Variants in TMEM135 observed in about 807,000 individuals in gnomAD.
The protein encoded by TMEM135 is peroxisomal membrane protein 52.
In TMEM135, 30 loss-of-function variants were observed where a neutral mutation model predicts 60.3. The observed-to-expected ratio is 0.50, with a 90% confidence interval of 0.37 to 0.68. The LOEUF (loss-of-function observed/expected upper bound fraction) is 0.68, where lower values mean the gene tolerates loss of function less well. Ranked by LOEUF, TMEM135 falls within the 30% of genes least tolerant of loss-of-function variation. TMEM135 has a pLI of 0.00. For synonymous variants in TMEM135, 190 were observed against 186.7 expected (o/e 1.02, Z -0.14); for missense variants, 468 against 548.8 (o/e 0.85, Z 1.47).
At chr11:87,286,501 A>G (rs919522099) in intron 6 of TMEM135, among the ~76,000 whole-genome samples, 3 of 152,216 alleles carry the variant, frequency 2.0e-5, no homozygotes, top group African/African-American at 7.2e-5. Flanking sequence ...GCTGCCTGCC[A>G]GTCCCGTGCT....
Position 87,223,161 on chromosome 11 carries a change from CT to C in TMEM135, c.463-13458del, listed in dbSNP as rs34711550. Among the ~76,000 whole-genome samples, 494 of 133,740 alleles carry C rather than the reference CT, an allele frequency of 3.7e-3. 3 individuals are homozygous for C. The highest frequency in any genetic ancestry group is 0.01 in the African/African-American group (379 of 37,224). The allele number at this position is 133,740 out of a possible 152,430, so 87.7% of individuals were successfully genotyped here. A position where few individuals can be genotyped will look rare whatever the true frequency, so the allele number is the denominator to read the frequency against. ...CTGCAGTAAATGGAGTTGAAAAGCA[CT>C]TTTTTTTTTTTTTTTTTTCTGAGAT... On this transcript the variant is annotated intron_variant, in intron 5 of 14. Coordinates refer to ENST00000305494, the MANE Select transcript of TMEM135 (RefSeq NM_022918.4).
intron 6 of TMEM135, among the ~76,000 whole-genome samples, chr11:87,292,401 G>C (rs1184709954): frequency 6.6e-6 from 1 of 152,156 alleles, no homozygotes; most frequent in Non-Finnish European, 1.5e-5. Flanking sequence ...CTTATACATA[G>C]TGGCCATTTA....
At chr11:87,190,116 A>G (rs1441721047) in intron 5 of TMEM135, among the ~76,000 whole-genome samples, 1 of 152,184 alleles carries the variant, frequency 6.6e-6, no homozygotes, top group African/African-American at 2.4e-5. Context: ...CATATACTTT[A>G]TTTAATAATC....
Position 87,313,465 on chromosome 11 carries a change from A to G in TMEM135, c.977A>G (p.Asp326Gly), listed in dbSNP as rs769521186. 1.9e-6 allele frequency: 3 copies of G among 1,611,066 alleles called. No homozygotes were observed. Among genetic ancestry groups the G allele is most frequent in the Admixed American group, 3.3e-5 (2 of 59,878 alleles). Residue 326 changes from aspartate to glycine, a missense_variant, in exon 11 of 15, where the codon GAT becomes GGT. By Grantham distance (94) the Asp-to-Gly change is moderately conservative (BLOSUM62 -1). Transcript: ENST00000305494. ...CTGCGCTGGATCAGAAACTTAGATGATGAACTACATGCTATTATAGCTGGT... is the reference window on the plus strand; with the variant it reads ...CTGCGCTGGATCAGAAACTTAGATGGTGAACTACATGCTATTATAGCTGGT... ...CFLRWIRNLD[D>G]ELHAIIAGFL...
intron 4 of TMEM135, among the ~76,000 whole-genome samples, chr11:87,132,427 A>T (rs754663504): frequency 3.9e-5 from 6 of 152,158 alleles, no homozygotes; most frequent in African/African-American, 7.2e-5. Flanking sequence ...ATTAATGGAA[A>T]GTCCTTATGA....
At chr11:87,056,075 A>G (rs1159039358) in intron 1 of TMEM135, among the ~76,000 whole-genome samples, 2 of 152,316 alleles carry the variant, frequency 1.3e-5, no homozygotes, top group Non-Finnish European at 2.9e-5. Flanking sequence ...CTCTGCTACA[A>G]GGGTTTGTGT....
At chr11:87,320,965 C>G (rs576076698) in intron 14 of TMEM135, among the ~76,000 whole-genome samples, 1 of 152,124 alleles carries the variant, frequency 6.6e-6, no homozygotes, top group African/African-American at 2.4e-5. Flanking sequence ...GGTTTCAGAT[C>G]TGGGGATTAT....
chr11:87,053,567 G>A (rs1949862658), intron 1 of TMEM135, among the ~76,000 whole-genome samples: 1 of 150,292 alleles, frequency 6.7e-6, no homozygotes, highest in South Asian at 2.1e-4. Context: ...TTTGAAGAAA[G>A]TCTTTTTAAA....
At chr11:87,124,546 A>G (rs1291534530) in intron 4 of TMEM135, among the ~76,000 whole-genome samples, 1 of 152,118 alleles carries the variant, frequency 6.6e-6, no homozygotes, top group Admixed American at 6.6e-5. Flanking sequence ...TTTTTTTTCA[A>G]TGACATTTTT....
At chr11:87,258,955 G>C (rs615304) in intron 6 of TMEM135, 1 of 1,502,870 alleles carries the variant, frequency 6.7e-7, no homozygotes, top group Non-Finnish European at 9.2e-7. Flanking sequence ...CTGTTGCTCG[G>C]TTTGCATCTT....
intron 3 of TMEM135, among the ~76,000 whole-genome samples, chr11:87,071,860 T>C (rs1856778260): frequency 6.6e-6 from 1 of 152,112 alleles, no homozygotes; most frequent in Non-Finnish European, 1.5e-5. Context: ...ACTAAAAGAT[T>C]AGAGAGTTCT....
chr11:87,252,033 A>G (rs1455732536), intron 6 of TMEM135, among the ~76,000 whole-genome samples: 2 of 152,158 alleles, frequency 1.3e-5, no homozygotes. Context: ...AATGTGAAAT[A>G]AGGAAGTAAG....
At position 87,157,286 on chromosome 11, in the gene TMEM135, T is replaced by C. The variant is rs184332132; in HGVS notation, c.397-55T>C. The C allele has an allele frequency of 1.1e-5, 17 of 1,493,758 alleles. No individual in the cohort carries two copies. In the Admixed American group the frequency reaches 1.4e-4, roughly 12 times the overall value. The allele number at this position is 1,493,758 out of a possible 1,614,324, so 92.5% of individuals were successfully genotyped here. On this transcript the variant is annotated intron_variant, in intron 4 of 14. Transcript: ENST00000305494. The stretch of plus-strand genomic sequence containing the variant: ...CACATTTAGGGTGTGGGATATACAA[T>C]TGAGGAGAGATTGTAGATCATATAT...
At chr11:87,147,665 C>G (rs1458342149) in intron 4 of TMEM135, among the ~76,000 whole-genome samples, 1 of 152,196 alleles carries the variant, frequency 6.6e-6, no homozygotes, top group Non-Finnish European at 1.5e-5. Flanking sequence ...AACACACACA[C>G]AAAAGTCCAA....
chr11:87,059,228 G>A (rs1335574970), intron 1 of TMEM135, among the ~76,000 whole-genome samples: 2 of 150,990 alleles, frequency 1.3e-5, no homozygotes, highest in African/African-American at 2.4e-5. Context: ...GCGCCCAGCC[G>A]AAAAATTTTT....
chr11:87,281,736 T>A (rs1470430058), intron 6 of TMEM135, among the ~76,000 whole-genome samples: 1 of 152,188 alleles, frequency 6.6e-6, no homozygotes, highest in African/African-American at 2.4e-5. Flanking sequence ...TAAAGAAATA[T>A]GAGTGGAAAT....
rs1481122732 is a variant in TMEM135 at position 87,073,367 on chromosome 11, C to G, written c.362+1752C>G. On this transcript the variant is annotated intron_variant, in intron 3 of 14. Coordinates refer to ENST00000305494, the MANE Select transcript of TMEM135 (RefSeq NM_022918.4). ...ACTCTTAATACATTTTTGTAAGTGT[C>G]ATAGTATCTAAATTTTTGTGGTTCT... is the stretch of plus-strand genomic sequence containing the variant. 2.0e-5 allele frequency among the ~76,000 whole-genome samples: 3 copies of G among 152,098 alleles called. 1 individual carries two copies. Among genetic ancestry groups the G allele is most frequent in the African/African-American group, 4.8e-5 (2 of 41,414 alleles).
chr11:87,095,867 T>G (rs1857313572), intron 4 of TMEM135: 1 of 152,824 alleles, frequency 6.5e-6, no homozygotes, highest in African/African-American at 2.4e-5. Context: ...TCCCAGCCAC[T>G]CAGGAGGCTG....
intron 14 of TMEM135, 43 bp from the exon 15 acceptor site, chr11:87,321,158 T>C: frequency 2.0e-6 from 3 of 1,521,016 alleles, no homozygotes; most frequent in Non-Finnish European, 2.7e-6. Context: ...TTTTATTTTA[T>C]AAACTATATT....
Sources: gnomAD v4.1 joint callset for allele counts (sites outside exome capture counted in the v4.1 genomes callset) on GRCh38, gnomAD v4.1.1 for gene constraint, MANE v1.5 for transcripts, NCBI Gene and HGNC (gene_info 2026-07-23, HGNC 2026-07-21) for gene names.